Variants in FHIP1B observed in about 807,000 individuals in gnomAD.
FHIP1B encodes the protein FHF complex subunit HOOK-interacting protein 1B.
FHIP1B carries 28 observed loss-of-function variants against 82.2 expected under a neutral mutation model. That is an observed-to-expected ratio of 0.34 (90% CI 0.25 to 0.47). The LOEUF is 0.47. FHIP1B is among the 20% of genes least tolerant of loss of function. The probability of loss-of-function intolerance (pLI) is 1.00; values close to 1 mark genes in which losing one functional copy is unlikely to be tolerated. For synonymous variants in FHIP1B, 585 were observed against 516.1 expected, an observed-to-expected ratio of 1.13 and a Z score of -1.81; for missense variants, 1,110 against 1,262.6, an observed-to-expected ratio of 0.88 and a Z score of 1.83.
rs750468481 is a variant in FHIP1B, at chr11:6,211,707, G to A, written c.2718C>T (p.Leu906=). 13 of 1,614,112 alleles carry A rather than the reference G, an allele frequency of 8.1e-6. No homozygotes were observed. The highest frequency in any genetic ancestry group is 4.0e-5 in the African/African-American group (3 of 74,958). The change falls in exon 12 of 12, where the codon CTC becomes CTT. Residue 906 remains leucine, a synonymous_variant. Coordinates refer to ENST00000449352, the MANE Select transcript of FHIP1B (RefSeq NM_001098794.2). ...GSPGASTPVL[L]TRGGAPERQG... is the part of the protein sequence containing the mutation. ...GGCGTTCAGGGGCCCCGCCCCGGGT[G>A]AGTAGAACTGGAGTTGAAGCCCCAG...
intron 9 of FHIP1B, chr11:6,215,468 C>T (rs1050082846): frequency 7.9e-5 from 12 of 152,124 alleles, no homozygotes; most frequent in African/African-American, 2.9e-4. Flanking sequence ...CCACAAAAAA[C>T]GGAGGATAAC....
chr11:6,222,383 A>G, intron 6 of FHIP1B, 59 bp downstream of exon 6: 2 of 1,583,760 alleles, frequency 1.3e-6, no homozygotes, highest in South Asian at 2.2e-5. Context: ...TCCCAGAACA[A>G]AGGTCAGAGA....
chr11:6,227,384 T>C (rs989883249), intron 1 of FHIP1B, among the ~76,000 whole-genome samples: 1 of 152,178 alleles, frequency 6.6e-6, no homozygotes, highest in African/African-American at 2.4e-5. Flanking sequence ...CCTCCAGATT[T>C]AAATTAACCG....
chr11:6,211,403 T>C lies in FHIP1B; in HGVS notation c.*103A>G. On this transcript the variant is annotated 3_prime_UTR_variant, in exon 12 of 12. Transcript: ENST00000449352. The stretch of plus-strand genomic sequence containing the variant: ...TTCTCCATAAAACATTCATCTGAAA[T>C]AAATTAAAAAGTCCTTTTGCCACTG... The C allele has an allele frequency of 7.3e-7, 1 of 1,374,250 alleles. No homozygotes were observed. The highest frequency in any genetic ancestry group is 1.5e-5 in the South Asian group (1 of 66,744). The allele number at this position is 1,374,250 out of a possible 1,614,324, so 85.1% of individuals were successfully genotyped here.
At chr11:6,217,152 A>G (rs775785807) in intron 9 of FHIP1B, 12 of 704,652 alleles carry the variant, frequency 1.7e-5, no homozygotes, top group South Asian at 1.6e-4. Context: ...CTCAGATGTA[A>G]GTCAATACTC....
In FHIP1B at chr11:6,217,305, C is replaced by G. The variant is rs115637949; in HGVS notation, c.2215+66G>C. On this transcript the variant is annotated intron_variant, in intron 9 of 11. Coordinates refer to ENST00000449352, the MANE Select transcript of FHIP1B (RefSeq NM_001098794.2). ...GACATGGCCAAGAGGTCCAAGAAAC[C>G]AGCACAAACATGTCGAGAACATGCA... 2.7e-3 allele frequency: 4,004 copies of G among 1,476,234 alleles called. 75 individuals are homozygous for G. The African/African-American group carries it at 0.05, about 18-fold the overall frequency. 91.4% of individuals were successfully genotyped at this position (1,476,234 alleles called of 1,614,324 possible). A position where few individuals can be genotyped will look rare whatever the true frequency, so the allele number is the denominator to read the frequency against.
intron 4 of FHIP1B, 74 bp from the exon 5 acceptor site, chr11:6,222,971 A>G: frequency 6.4e-7 from 1 of 1,571,928 alleles, no homozygotes; most frequent in Non-Finnish European, 8.7e-7. Context: ...ATAGTACACT[A>G]CAGAGAGGCA....
At chr11:6,218,481 G>C in intron 8 of FHIP1B, 119 bp downstream of exon 8, 2 of 1,467,976 alleles carry the variant, frequency 1.4e-6, no homozygotes, top group Middle Eastern at 2.5e-4. Context: ...CCCAAAGACA[G>C]ACTATCATTC....
chr11:6,225,363 T>G (rs193086265), intron 1 of FHIP1B, among the ~76,000 whole-genome samples: 21 of 152,274 alleles, frequency 1.4e-4, no homozygotes, highest in African/African-American at 5.1e-4. Context: ...ATTGCTCGTT[T>G]TGTTTGTTTG....
Position 6,217,406 on chromosome 11 carries a change from C to G in FHIP1B, c.2180G>C (p.Arg727Pro). 1 of 1,614,064 alleles carries G rather than the reference C, an allele frequency of 6.2e-7. No individual in the cohort carries two copies. Among genetic ancestry groups the G allele is most frequent in the African/African-American group, 1.3e-5 (1 of 75,024 alleles). Residue 727 changes from arginine (R) to proline (P), a missense_variant, in exon 9 of 12, where the codon CGG becomes CCG. This residue lies in a region of FHIP1B where 418 missense variants were observed against 371.4 expected (regional missense o/e 1.13). Coordinates refer to ENST00000449352, the MANE Select transcript of FHIP1B (RefSeq NM_001098794.2). ...CTGGCTTGGCAGCTGGTTGAGAGTCCGCAAAGGGCTGCTGAGGAAGGGGCC... is the reference window on the plus strand; with the variant it reads ...CTGGCTTGGCAGCTGGTTGAGAGTCGGCAAAGGGCTGCTGAGGAAGGGGCC... ...PPGPFLSSPLRTLNQLPSQPF... is the reference protein window; with the variant it reads ...PPGPFLSSPLPTLNQLPSQPF...
intron 9 of FHIP1B, 112 bp from the exon 10 acceptor site, chr11:6,215,023 C>T: frequency 9.2e-7 from 1 of 1,081,882 alleles, no homozygotes; most frequent in South Asian, 2.0e-5. Flanking sequence ...ATTTGTATGT[C>T]AGCCTCTGGG....
intron 11 of FHIP1B, among the ~76,000 whole-genome samples, chr11:6,212,649 A>C (rs919249697): frequency 6.6e-6 from 1 of 152,224 alleles, no homozygotes; most frequent in Non-Finnish European, 1.5e-5. Flanking sequence ...GTCTGGATCC[A>C]TATCTACTAT....
At chr11:6,232,014 G>A (rs1045850924) in intron 1 of FHIP1B, among the ~76,000 whole-genome samples, 2 of 152,290 alleles carry the variant, frequency 1.3e-5, no homozygotes, top group African/African-American at 2.4e-5. Flanking sequence ...CATTCTCCTA[G>A]CACTTAGTAG....
Position 6,217,546 on chromosome 11 carries a change from C to T in FHIP1B, c.2040G>A (p.Glu680=). ...CCCCATTGCTCAATGCCACCTCTAG[C>T]TCCCGGAGCTCCTGCCCAAAGCCCT... is the stretch of plus-strand genomic sequence containing the variant. ...GLEGFGQELR[E]LEVALSNGGT... is the part of the protein sequence containing the mutation. The change falls in exon 9 of 12, where the codon GAG becomes GAA. Residue 680 remains glutamate, a synonymous_variant. Coordinates refer to ENST00000449352, the MANE Select transcript of FHIP1B (RefSeq NM_001098794.2). 1 of 1,609,448 alleles carries T rather than the reference C, an allele frequency of 6.2e-7. No homozygotes were observed. The highest frequency in any genetic ancestry group is 1.1e-5 in the South Asian group (1 of 90,510).
At chr11:6,215,712 G>C (rs548149587) in intron 9 of FHIP1B, among the ~76,000 whole-genome samples, 1 of 152,312 alleles carries the variant, frequency 6.6e-6, no homozygotes, top group South Asian at 2.1e-4. Flanking sequence ...AGAAGGAAGG[G>C]AAAGGATCAG....
intron 1 of FHIP1B, among the ~76,000 whole-genome samples, chr11:6,233,839 GC>G (rs531629279): frequency 8.5e-4 from 129 of 152,252 alleles, no homozygotes; most frequent in African/African-American, 2.8e-3. Flanking sequence ...TCATGAGAGG[GC>G]CCATCTTCAA....
Position 6,217,916 on chromosome 11 carries a change from T to C in FHIP1B, c.1670A>G (p.Glu557Gly). ...LEDNYLEYLR[E>G]ARRGVDRCVR... ...ACAGCGGTCCACACCACGACGTGCCTCACGCAGATACTCCAGGTAATTGTC... is the reference window on the plus strand; with the variant it reads ...ACAGCGGTCCACACCACGACGTGCCCCACGCAGATACTCCAGGTAATTGTC... The change falls in exon 9 of 12, where the codon GAG becomes GGG. Residue 557 changes from glutamate (E) to glycine (G), a missense_variant. This residue lies in a region of FHIP1B where 418 missense variants were observed against 371.4 expected (regional missense o/e 1.13). Transcript: ENST00000449352. 6.2e-7 allele frequency: 1 copy of C among 1,612,832 alleles called. No individual in the cohort carries two copies. The highest frequency in any genetic ancestry group is 8.5e-7 in the Non-Finnish European group (1 of 1,180,022).
intron 1 of FHIP1B, among the ~76,000 whole-genome samples, chr11:6,226,613 T>C (rs570462658): frequency 1.7e-4 from 26 of 152,246 alleles, no homozygotes; most frequent in Admixed American, 1.0e-3. Context: ...CGTACAAAAC[T>C]ATGGTACCGT....
At chr11:6,215,030 T>C in intron 9 of FHIP1B, 119 bp from the exon 10 acceptor site, 1 of 1,022,866 alleles carries the variant, frequency 9.8e-7, no homozygotes, top group South Asian at 2.1e-5. Flanking sequence ...TGTCAGCCTC[T>C]GGGTATGTTT....
Sources: allele counts gnomAD v4.1 joint callset (sites outside exome capture counted in the v4.1 genomes callset), GRCh38; gene constraint gnomAD v4.1.1; regional missense constraint gnomAD v4.1.1; transcripts MANE v1.5; gene names NCBI Gene and HGNC (gene_info 2026-07-23, HGNC 2026-07-21).